The following BBS2 variants were observed in gnomAD, a reference collection of about 807,000 sequenced individuals.
BBS2 encodes BBSome complex member BBS2.
In BBS2, 62 loss-of-function variants were observed where a neutral mutation model predicts 83.0. The ratio of observed to expected loss-of-function variants is 0.75; its 90% CI spans 0.61 to 0.92. The LOEUF (loss-of-function observed/expected upper bound fraction) is 0.92, where lower values mean the gene tolerates loss of function less well. BBS2 is among the 40% of genes least tolerant of loss of function. The probability of loss-of-function intolerance (pLI) is 0.00; values close to 1 mark genes in which losing one functional copy is unlikely to be tolerated. For missense variants in BBS2, 784 were observed against 901.0 expected (o/e 0.87, Z 1.66); for synonymous variants, 303 against 326.1 (o/e 0.93, Z 0.76).
Position 56,501,718 on chromosome 16 carries a change from G to A in BBS2, c.1081-221C>T, listed in dbSNP as rs1178145633. On this transcript the variant is annotated intron_variant, in intron 9 of 16. Coordinates refer to ENST00000245157, the MANE Select transcript of BBS2 (RefSeq NM_031885.5). ...ACCCTTGCATCTTTCTATGGGTATGGTCCACTGTATCCCATCATGACTTTA... is the reference window on the plus strand; with the variant it reads ...ACCCTTGCATCTTTCTATGGGTATGATCCACTGTATCCCATCATGACTTTA... 3 of 596,552 alleles carry A rather than the reference G, an allele frequency of 5.0e-6. No homozygotes were observed. In the South Asian group the frequency reaches 6.0e-5, roughly 12 times the overall value. 37.0% of individuals were successfully genotyped at this position (596,552 alleles called of 1,614,324 possible).
chr16:56,519,530 T>C lies in BBS2; in HGVS notation c.117+216A>G. 4 of 564,160 alleles carry C rather than the reference T, an allele frequency of 7.1e-6. No individual in the cohort carries two copies. In the South Asian group the frequency reaches 8.4e-5, roughly 12 times the overall value. The allele number at this position is 564,160 out of a possible 1,614,324, so 34.9% of individuals were successfully genotyped here. A position where few individuals can be genotyped will look rare whatever the true frequency, so the allele number is the denominator to read the frequency against. On this transcript the variant is annotated intron_variant, in intron 1 of 16. Coordinates refer to ENST00000245157, the MANE Select transcript of BBS2 (RefSeq NM_031885.5). ...GACCCCGACCTCGCCTGACTCCAAG[T>C]GCCTGATGACAAGAAAACGTCAACT...
intron 15 of BBS2, among the ~76,000 whole-genome samples, chr16:56,490,130 A>G (rs200726408): frequency 1.7e-4 from 15 of 86,792 alleles, no homozygotes; most frequent in East Asian, 1.2e-3. Flanking sequence ...ACACACACGC[A>G]CACACACACA....
chr16:56,501,700 C>T, intron 9 of BBS2: 2 of 671,980 alleles, frequency 3.0e-6, no homozygotes, highest in Non-Finnish European at 2.5e-6. Flanking sequence ...AATACCCTTG[C>T]ATCTTTCTAT....
At chr16:56,510,144 G>T in intron 4 of BBS2, 110 bp from the exon 5 acceptor site, 1 of 874,792 alleles carries the variant, frequency 1.1e-6, no homozygotes. Flanking sequence ...TGCCACCCAA[G>T]ATTGACAACC....
At chr16:56,487,903 T>C (rs1375667187) in intron 15 of BBS2, among the ~76,000 whole-genome samples, 1 of 152,186 alleles carries the variant, frequency 6.6e-6, no homozygotes, top group Non-Finnish European at 1.5e-5. Context: ...TCACTGGTAG[T>C]TGCCAGAGCT....
chr16:56,496,034 A>G (rs1964106783), intron 15 of BBS2, among the ~76,000 whole-genome samples: 1 of 152,162 alleles, frequency 6.6e-6, no homozygotes, highest in Admixed American at 6.5e-5. Context: ...TCAACAATAC[A>G]ATTATTTTAA....
At chr16:56,511,029 C>T (rs921705432) in intron 3 of BBS2, 108 bp from the exon 4 acceptor site, 15 of 1,557,912 alleles carry the variant, frequency 9.6e-6, no homozygotes, top group South Asian at 1.1e-5. Context: ...GAATGCTATT[C>T]GAATTATTCA....
chr16:56,500,162 GTATCT>G, intron 11 of BBS2: 3 of 431,362 alleles, frequency 7.0e-6, no homozygotes, highest in Non-Finnish European at 1.3e-5. Context: ...GATGTAAAAA[GTATCT>G]TATCTTCCAC....
At position 56,510,004 on chromosome 16, in the gene BBS2, G is replaced by A. The variant is rs1273181642; in HGVS notation, c.565C>T (p.Arg189Ter). 2.7e-5 allele frequency: 44 copies of A among 1,613,860 alleles called. No homozygotes were observed. Among genetic ancestry groups the A allele is most frequent in the East Asian group, 4.5e-5 (2 of 44,884 alleles). Residue 189 changes from arginine (R) to a stop codon, truncating the protein, a stop_gained, in exon 5 of 17, where the codon CGA (arginine) becomes TGA (stop). Coordinates refer to ENST00000245157, the MANE Select transcript of BBS2 (RefSeq NM_031885.5). LOFTEE classifies it high-confidence loss of function. Reference sequence around the variant, plus strand: ...ACAATCTCATCTTCCTTAAAAACTCGGATATCAAAATCCTCAGATCCAACA... The same window carrying A: ...ACAATCTCATCTTCCTTAAAAACTCAGATATCAAAATCCTCAGATCCAACA... ...LLVGSEDFDI[R>*]VFKEDEIVAE...
Position 56,501,424 on chromosome 16 carries a change from G to T in BBS2, c.1154C>A (p.Thr385Asn). Residue 385 changes from threonine to asparagine, a missense_variant, in exon 10 of 17, where the codon ACC (threonine) becomes AAC (asparagine). Transcript: ENST00000245157. ...GIIPANTRLH[T>N]TLSVSLGNET... is the part of the protein sequence containing the mutation. ...ATTCCCCAGGCTGACTGAGAGCGTG[G>T]TGTGGAGCCTGGTATTGGCTGGGAT... 6.2e-7 allele frequency: 1 copy of T among 1,614,194 alleles called. No individual in the cohort carries two copies.
intron 5 of BBS2, among the ~76,000 whole-genome samples, chr16:56,506,976 G>T (rs1184744709): frequency 1.3e-5 from 2 of 152,154 alleles, no homozygotes; most frequent in African/African-American, 4.8e-5. Context: ...GAGATATTAA[G>T]AAATAAATTG....
chr16:56,520,018 A>G lies in BBS2; in HGVS notation c.-156T>C. 2 of 681,112 alleles carry G rather than the reference A, an allele frequency of 2.9e-6. No homozygotes were observed. Among genetic ancestry groups the G allele is most frequent in the South Asian group, 3.2e-5 (2 of 63,286 alleles). 42.2% of individuals were successfully genotyped at this position (681,112 alleles called of 1,614,324 possible). On this transcript the variant is annotated 5_prime_UTR_variant, in exon 1 of 17. Transcript: ENST00000245157. ...CAGCCCGGGACGAACCCGTCCAGGTACCGCCTGCTCCTCCTGCGGCGGCGC... is the reference window on the plus strand; with the variant it reads ...CAGCCCGGGACGAACCCGTCCAGGTGCCGCCTGCTCCTCCTGCGGCGGCGC...
chr16:56,493,970 C>CT (rs1360299189), intron 15 of BBS2, among the ~76,000 whole-genome samples: 9 of 151,674 alleles, frequency 5.9e-5, no homozygotes, highest in African/African-American at 1.7e-4. Context: ...TATTCCCCCA[C>CT]TTTTTTTTAA....
downstream of BBS2, among the ~76,000 whole-genome samples, chr16:56,480,406 G>GTAATTTT (rs1963641878): frequency 7.0e-6 from 1 of 142,864 alleles, no homozygotes. Flanking sequence ...TCCCAGACCA[G>GTAATTTT]TATTTTTTAT....
intron 1 of BBS2, among the ~76,000 whole-genome samples, chr16:56,519,265 A>G (rs576040000): frequency 1.3e-3 from 183 of 145,846 alleles, no homozygotes; most frequent in African/African-American, 4.3e-3. Context: ...CGGGAGGCGG[A>G]GGCTGCAGCG....
At chr16:56,500,041 AAACAC>A in intron 11 of BBS2, 134 bp from the exon 12 acceptor site, 1 of 1,058,770 alleles carries the variant, frequency 9.4e-7, no homozygotes, top group Non-Finnish European at 1.4e-6. Context: ...GGAACCCCCA[AAACAC>A]TTGAGGGTTA....
At position 56,512,606 on chromosome 16, in the gene BBS2, A is replaced by G. The variant is rs1240280644; in HGVS notation, c.346-1322T>C. 2.0e-5 allele frequency among the ~76,000 whole-genome samples: 3 copies of G among 152,212 alleles called. No homozygotes were observed. In the East Asian group the frequency reaches 5.8e-4, roughly 29 times the overall value. On this transcript the variant is annotated intron_variant, in intron 2 of 16. Coordinates refer to ENST00000245157, the MANE Select transcript of BBS2 (RefSeq NM_031885.5). ...TTCTTACAAGTATTATGTTAAGTGA[A>G]AGAAGCCAGACACTATTTGTATGGA...
chr16:56,508,859 G>A (rs1964500956), intron 5 of BBS2, among the ~76,000 whole-genome samples: 1 of 151,932 alleles, frequency 6.6e-6, no homozygotes, highest in Non-Finnish European at 1.5e-5. Context: ...ATGTTGCCCA[G>A]GCGGGTCTCA....
intron 15 of BBS2, among the ~76,000 whole-genome samples, chr16:56,493,968 C>T (rs1164828048): frequency 6.6e-6 from 1 of 151,842 alleles, no homozygotes; most frequent in Non-Finnish European, 1.5e-5. Flanking sequence ...GATATTCCCC[C>T]ACTTTTTTTT....
Sources: allele counts gnomAD v4.1 joint callset (sites outside exome capture counted in the v4.1 genomes callset), GRCh38; gene constraint gnomAD v4.1.1; transcripts MANE v1.5; gene names NCBI Gene and HGNC (gene_info 2026-07-23, HGNC 2026-07-21).